The following ACTN4 variants were observed in gnomAD, a reference collection of about 807,000 sequenced individuals.
ACTN4 encodes the protein actinin alpha 4.
In ACTN4, 18 loss-of-function variants were observed where a neutral mutation model predicts 114.2. That is an observed-to-expected ratio of 0.16 (90% CI 0.11 to 0.23). The LOEUF (loss-of-function observed/expected upper bound fraction) is 0.23. ACTN4 is among the 10% of genes least tolerant of loss of function. The pLI is 1.00. For synonymous variants in ACTN4, 515 were observed against 506.3 expected, an observed-to-expected ratio of 1.02 and a Z score of -0.23; for missense variants, 722 against 1,262.9, an observed-to-expected ratio of 0.57 and a Z score of 6.49.
At chr19:38,706,190 C>T in intron 5 of ACTN4, 59 bp downstream of exon 5, 1 of 1,541,650 alleles carries the variant, frequency 6.5e-7, no homozygotes, top group Non-Finnish European at 9.0e-7. Context: ...TCCTTCCTCC[C>T]ACCTGCCCTG....
intron 8 of ACTN4, chr19:38,711,191 A>G (rs561639289): frequency 4.2e-5 from 26 of 621,572 alleles, no homozygotes; most frequent in Admixed American, 1.9e-4. Flanking sequence ...TTCCTCCTGC[A>G]TGAGCCTCAG....
At chr19:38,649,280 G>A (rs1599751710) in intron 1 of ACTN4, among the ~76,000 whole-genome samples, 4 of 116,970 alleles carry the variant, frequency 3.4e-5, no homozygotes. Flanking sequence ...TGTGGGGGGG[G>A]GATAAATCCA....
At chr19:38,700,743 G>T (rs2112649) in intron 2 of ACTN4, 29 bp downstream of exon 2, 16 of 1,588,924 alleles carry the variant, frequency 1.0e-5, no homozygotes, top group Non-Finnish European at 1.4e-5. Flanking sequence ...CAGTGCGGCC[G>T]AGCCCTGGCA....
chr19:38,727,118 A>G lies in ACTN4; in HGVS notation c.2337+15A>G, dbSNP rs949297283. 1 of 1,613,018 alleles carries G rather than the reference A, an allele frequency of 6.2e-7. No individual in the cohort carries two copies. Among genetic ancestry groups the G allele is most frequent in the Middle Eastern group, 1.7e-4 (1 of 6,042 alleles). The stretch of plus-strand genomic sequence containing the variant: ...ACTTCGACAAGGTGAGCAGCCTGCC[A>G]CCTCCTCGGCCTCTCCCCTCCCGCC... On this transcript the variant is annotated intron_variant, in intron 18 of 20. Transcript: ENST00000252699. This position sits in a 1 kb window ranked among gnomAD's most constrained non-coding sequence, Gnocchi z 5.4.
intron 4 of ACTN4, 58 bp downstream of exon 4, chr19:38,705,078 A>T (rs2145009934): frequency 6.8e-7 from 1 of 1,468,906 alleles, no homozygotes; most frequent in Non-Finnish European, 9.5e-7. Flanking sequence ...GTTAGAGGAG[A>T]GCTGAAGTGT....
At chr19:38,701,769 C>T (rs548056432) in intron 3 of ACTN4, among the ~76,000 whole-genome samples, 3 of 152,386 alleles carry the variant, frequency 2.0e-5, no homozygotes, top group East Asian at 1.9e-4. Flanking sequence ...CTTTTAGAGA[C>T]AGGCGAGGCC....
rs1969386494 is a variant in ACTN4, at chr19:38,729,267, G to A, written c.2578-7G>A. 1.9e-6 allele frequency: 3 copies of A among 1,612,652 alleles called. No individual in the cohort carries two copies. Among genetic ancestry groups the A allele is most frequent in the Non-Finnish European group, 2.5e-6 (3 of 1,179,972 alleles). ...GATGGCTCAGAGTCCCATCCTGCCTGCCCCAGAACTTCATCACAGCTGAGG... is the reference window on the plus strand; with the variant it reads ...GATGGCTCAGAGTCCCATCCTGCCTACCCCAGAACTTCATCACAGCTGAGG... On this transcript the variant is annotated splice_polypyrimidine_tract_variant and splice_region_variant and intron_variant, in intron 20 of 20. Coordinates refer to ENST00000252699, the MANE Select transcript of ACTN4 (RefSeq NM_004924.6).
chr19:38,729,264 C>T lies in ACTN4; in HGVS notation c.2578-10C>T, dbSNP rs764605401. The T allele has an allele frequency of 6.2e-7, 1 of 1,612,698 alleles. No individual in the cohort carries two copies. Among genetic ancestry groups the T allele is most frequent in the African/African-American group, 1.3e-5 (1 of 74,988 alleles). On this transcript the variant is annotated splice_polypyrimidine_tract_variant and intron_variant, in intron 20 of 20. Coordinates refer to ENST00000252699, the MANE Select transcript of ACTN4 (RefSeq NM_004924.6). The stretch of plus-strand genomic sequence containing the variant: ...GGGGATGGCTCAGAGTCCCATCCTG[C>T]CTGCCCCAGAACTTCATCACAGCTG...
intron 9 of ACTN4, among the ~76,000 whole-genome samples, chr19:38,716,851 G>T (rs1418915089): frequency 2.0e-5 from 3 of 151,448 alleles, no homozygotes; most frequent in African/African-American, 7.3e-5. Flanking sequence ...GCAGGAACAG[G>T]AAGTAACAAG....
At chr19:38,704,460 A>G (rs1403218685) in intron 3 of ACTN4, among the ~76,000 whole-genome samples, 2 of 152,258 alleles carry the variant, frequency 1.3e-5, no homozygotes, top group Non-Finnish European at 2.9e-5. Context: ...ACAATAAACA[A>G]TAATGTAGTG....
At chr19:38,695,047 G>A (rs1335137113) in intron 1 of ACTN4, among the ~76,000 whole-genome samples, 1 of 152,114 alleles carries the variant, frequency 6.6e-6, no homozygotes, top group African/African-American at 2.4e-5. Context: ...GCTAATTTTT[G>A]TAGTTTTTGT....
chr19:38,723,076 C>T (rs1007308629), intron 12 of ACTN4, among the ~76,000 whole-genome samples: 1 of 152,216 alleles, frequency 6.6e-6, no homozygotes, highest in Non-Finnish European at 1.5e-5. Context: ...CCCACAGCAA[C>T]TGTGTAACTG....
rs771002813 is a variant in ACTN4, at chr19:38,710,460, G to C, written c.819+118G>C. 57 of 1,096,366 alleles carry C rather than the reference G, an allele frequency of 5.2e-5. 1 individual carries two copies. The highest frequency in any genetic ancestry group is 1.2e-4 in the Admixed American group (7 of 58,048). 67.9% of individuals were successfully genotyped at this position (1,096,366 alleles called of 1,614,324 possible). A position where few individuals can be genotyped will look rare whatever the true frequency, so the allele number is the denominator to read the frequency against. ...GACGGCAGTGGCCTCTCTCCAACTG[G>C]AAGCCACCCCCAGCTCCCTGGCGTT... On this transcript the variant is annotated intron_variant, in intron 8 of 20. Coordinates refer to ENST00000252699, the MANE Select transcript of ACTN4 (RefSeq NM_004924.6).
At chr19:38,715,656 G>A (rs564079382) in intron 9 of ACTN4, among the ~76,000 whole-genome samples, 2 of 152,184 alleles carry the variant, frequency 1.3e-5, no homozygotes, top group Admixed American at 6.5e-5. Context: ...GCCAAGTTAC[G>A]GATGTTTTAA....
chr19:38,660,457 G>A (rs1007334596), intron 1 of ACTN4, among the ~76,000 whole-genome samples: 15 of 151,464 alleles, frequency 9.9e-5, no homozygotes, highest in South Asian at 2.1e-4. Context: ...GTGCAATGGC[G>A]TGTTCTTGGC....
At position 38,731,115 on chromosome 19, in the gene ACTN4, C is replaced by CAGGTG. The variant is rs1568762156; in HGVS notation, c.*1689_*1693dup. On this transcript the variant is annotated 3_prime_UTR_variant, in exon 21 of 21. Transcript: ENST00000252699. Reference sequence around the variant, plus strand: ...GCCGGGGTGGTACTCACAGAAGATGCAGGTGAGGTGGGCCACACAGGACAC... The same window carrying CAGGTG: ...GCCGGGGTGGTACTCACAGAAGATGCAGGTGAGGTGAGGTGGGCCACACAGGACAC... 2.5e-6 allele frequency: 4 copies of CAGGTG among 1,611,318 alleles called. No individual in the cohort carries two copies. Among genetic ancestry groups the CAGGTG allele is most frequent in the Non-Finnish European group, 3.4e-6 (4 of 1,179,314 alleles).
Position 38,714,465 on chromosome 19 carries a change from C to T in ACTN4, c.820-4C>T. 6.2e-7 allele frequency: 1 copy of T among 1,613,652 alleles called. No individual in the cohort carries two copies. ...GGCAGCCCTGACTGTGTGCTCCCCT[C>T]CAGGCTGAAACTGCCGCCAACCGGA... is the stretch of plus-strand genomic sequence containing the variant. On this transcript the variant is annotated splice_polypyrimidine_tract_variant and splice_region_variant and intron_variant, in intron 8 of 20. Transcript: ENST00000252699.
chr19:38,687,230 C>G (rs542664841), intron 1 of ACTN4, among the ~76,000 whole-genome samples: 4 of 152,192 alleles, frequency 2.6e-5, no homozygotes, highest in African/African-American at 9.7e-5. Context: ...CCTCAGCCCC[C>G]CCAAAGTGCT....
intron 9 of ACTN4, among the ~76,000 whole-genome samples, chr19:38,716,036 G>A (rs1169857063): frequency 3.3e-5 from 5 of 152,126 alleles, no homozygotes; most frequent in Non-Finnish European, 7.3e-5. Context: ...CAAGTAGCTG[G>A]GATTACAGGC....
Sources: gnomAD v4.1 joint callset for allele counts (sites outside exome capture counted in the v4.1 genomes callset) on GRCh38, gnomAD v4.1.1 for gene constraint, Gnocchi (gnomAD v3.1) non-coding constraint, MANE v1.5 for transcripts, NCBI Gene and HGNC (gene_info 2026-07-23, HGNC 2026-07-21) for gene names.